The following EHMT1 variants were observed in gnomAD, a reference collection of about 807,000 sequenced individuals.
The protein encoded by EHMT1 is euchromatic histone lysine methyltransferase 1.
EHMT1 carries 15 observed loss-of-function variants against 147.2 expected under a neutral mutation model. The observed-to-expected ratio is 0.10, with a 90% CI of 0.07 to 0.16. The LOEUF (loss-of-function observed/expected upper bound fraction) is 0.16. Among genes scored for constraint, EHMT1 ranks in the 10% least tolerant of loss-of-function variants. The probability of loss-of-function intolerance (pLI) is 1.00; values close to 1 mark genes in which losing one functional copy is unlikely to be tolerated. For missense variants in EHMT1, 1,587 were observed against 1,772.4 expected (o/e 0.90, Z 1.88); for synonymous variants, 795 against 709.6 (o/e 1.12, Z -1.91).
At chr9:137,799,923 G>C (rs926383417) in intron 17 of EHMT1, among the ~76,000 whole-genome samples, 9 of 152,234 alleles carry the variant, frequency 5.9e-5, no homozygotes, top group Admixed American at 1.3e-4. Context: ...CATTGAGCAG[G>C]GGGGCTGGGC....
intron 2 of EHMT1, 29 bp downstream of exon 2, chr9:137,711,059 A>G (rs1457861254): frequency 6.4e-7 from 1 of 1,570,438 alleles, no homozygotes. Flanking sequence ...GAGGGACAGG[A>G]GCAGCGCCTC....
intron 25 of EHMT1, among the ~76,000 whole-genome samples, chr9:137,825,640 A>G (rs898350024): frequency 2.0e-5 from 3 of 152,320 alleles, no homozygotes; most frequent in Admixed American, 1.3e-4. Flanking sequence ...TGAAGGAGGC[A>G]TATTTTTCCT....
At chr9:137,629,626 C>G (rs554213919) in intron 1 of EHMT1, among the ~76,000 whole-genome samples, 7 of 152,284 alleles carry the variant, frequency 4.6e-5, no homozygotes, top group African/African-American at 1.2e-4. Context: ...CTCTCCTGAC[C>G]TCGTGATCTG....
intron 6 of EHMT1, among the ~76,000 whole-genome samples, chr9:137,749,707 C>T (rs946000611): frequency 2.0e-5 from 3 of 152,218 alleles, no homozygotes; most frequent in African/African-American, 4.8e-5. Context: ...GATCAAGCAG[C>T]CTCTTATAAA....
At chr9:137,824,970 A>T (rs947005123) in intron 25 of EHMT1, among the ~76,000 whole-genome samples, 4 of 152,170 alleles carry the variant, frequency 2.6e-5, no homozygotes, top group African/African-American at 9.6e-5. Context: ...AAGGTCGGGC[A>T]TAATGCTTGT....
intron 25 of EHMT1, among the ~76,000 whole-genome samples, chr9:137,823,908 C>CT (rs1955634621): frequency 6.6e-6 from 1 of 152,202 alleles, no homozygotes; most frequent in African/African-American, 2.4e-5. Context: ...TGTAGGAGCT[C>CT]TTTCCATCTT....
intron 3 of EHMT1, among the ~76,000 whole-genome samples, chr9:137,721,286 T>A (rs1945969173): frequency 1.0e-5 from 1 of 97,172 alleles, no homozygotes; most frequent in African/African-American, 4.3e-5. Flanking sequence ...CCTCCCAGAC[T>A]TCTCACACTC....
chr9:137,623,212 C>CAA (rs879493843), intron 1 of EHMT1, among the ~76,000 whole-genome samples: 1 of 112,674 alleles, frequency 8.9e-6, no homozygotes, highest in Non-Finnish European at 1.9e-5. Flanking sequence ...GACTCCGTCT[C>CAA]AAAAAAAAAA....
chr9:137,714,978 T>G (rs1945081277), intron 2 of EHMT1, among the ~76,000 whole-genome samples: 1 of 152,128 alleles, frequency 6.6e-6, no homozygotes, highest in African/African-American at 2.4e-5. Context: ...CTAATACCCT[T>G]TGTAGTTTTC....
intron 1 of EHMT1, among the ~76,000 whole-genome samples, chr9:137,636,639 C>T (rs1247059953): frequency 6.6e-6 from 1 of 152,056 alleles, no homozygotes; most frequent in Non-Finnish European, 1.5e-5. Context: ...TTGTCTCTAT[C>T]TGTTGACATG....
At chr9:137,820,933 C>T (rs538859463) in intron 25 of EHMT1, among the ~76,000 whole-genome samples, 9 of 152,098 alleles carry the variant, frequency 5.9e-5, no homozygotes, top group Middle Eastern at 3.4e-3. Context: ...GCTGGAGTGC[C>T]GTGGCGCGAT....
At chr9:137,806,807 T>C (rs889505498) in intron 18 of EHMT1, among the ~76,000 whole-genome samples, 1 of 152,270 alleles carries the variant, frequency 6.6e-6, no homozygotes, top group Non-Finnish European at 1.5e-5. Context: ...GAATTCTGGA[T>C]GCGTAGTTAT....
At chr9:137,639,019 G>C (rs984559851) in intron 1 of EHMT1, among the ~76,000 whole-genome samples, 10 of 152,212 alleles carry the variant, frequency 6.6e-5, no homozygotes, top group South Asian at 4.2e-4. Context: ...GAAAAAACAG[G>C]CTGCTTCCTA....
In EHMT1 at chr9:137,828,245, G is replaced by T. The variant is rs554618943; in HGVS notation, c.3541-6104G>T. Among the ~76,000 whole-genome samples, 1 of 152,070 alleles carries T rather than the reference G, an allele frequency of 6.6e-6. No homozygotes were observed. The highest frequency in any genetic ancestry group is 2.4e-5 in the African/African-American group (1 of 41,502). On this transcript the variant is annotated intron_variant, in intron 25 of 26. Transcript: ENST00000460843. This position sits in a 1 kb window ranked among gnomAD's most constrained non-coding sequence, Gnocchi z 5.3. ...GGGCATCAGCAGGGGTCAGAGGGGT[G>T]TGCCCAGGAGGAGCCCCTCTGCATT...
At chr9:137,737,719 T>C (rs573359093) in intron 4 of EHMT1, among the ~76,000 whole-genome samples, 1 of 152,304 alleles carries the variant, frequency 6.6e-6, no homozygotes, top group African/African-American at 2.4e-5. Flanking sequence ...TGTTTCCCTG[T>C]TTCCCTGCTT....
At chr9:137,832,135 C>G (rs1215126075) in intron 25 of EHMT1, among the ~76,000 whole-genome samples, 1 of 149,252 alleles carries the variant, frequency 6.7e-6, no homozygotes, top group African/African-American at 2.5e-5. Context: ...CGCAGAACCC[C>G]CCAACCCCAC....
intron 1 of EHMT1, among the ~76,000 whole-genome samples, chr9:137,700,764 G>A (rs1170863239): frequency 6.6e-6 from 1 of 152,144 alleles, no homozygotes; most frequent in East Asian, 1.9e-4. Context: ...GGTCAGTGAA[G>A]GAACTGTTCC....
At chr9:137,626,783 ATTTT>A (rs1310956717) in intron 1 of EHMT1, among the ~76,000 whole-genome samples, 2 of 133,040 alleles carry the variant, frequency 1.5e-5, no homozygotes, top group Non-Finnish European at 1.6e-5. Flanking sequence ...CTCTTGCAGA[ATTTT>A]TTTTTTTTTT....
intron 25 of EHMT1, among the ~76,000 whole-genome samples, chr9:137,827,304 C>T (rs1333969640): frequency 6.6e-6 from 1 of 152,298 alleles, no homozygotes; most frequent in East Asian, 1.9e-4. Context: ...CAGCATCTAG[C>T]CCTGCTCCTC....
Sources: gnomAD v4.1 joint callset for allele counts (sites outside exome capture counted in the v4.1 genomes callset) on GRCh38, gnomAD v4.1.1 for gene constraint, Gnocchi (gnomAD v3.1) non-coding constraint, MANE v1.5 for transcripts, NCBI Gene and HGNC (gene_info 2026-07-23, HGNC 2026-07-21) for gene names.